PTPRQ: variants seen among roughly 807,000 people sequenced by gnomAD.
PTPRQ encodes phosphatidylinositol phosphatase PTPRQ.
Under a neutral mutation model 246.0 loss-of-function variants are expected in PTPRQ, and 199 were observed. The ratio of observed to expected loss-of-function variants is 0.81; its 90% CI spans 0.72 to 0.91. PTPRQ has a LOEUF of 0.91. Ranked by LOEUF, PTPRQ falls within the 40% of genes least tolerant of loss-of-function variation. The pLI is 0.00. For missense variants in PTPRQ, 2,624 were observed against 2,528.4 expected, an observed-to-expected ratio of 1.04 and a Z score of -0.81; for synonymous variants, 869 against 853.2, an observed-to-expected ratio of 1.02 and a Z score of -0.32.
intron 28 of PTPRQ, among the ~76,000 whole-genome samples, chr12:80,611,724 G>A (rs1392477970): frequency 6.7e-6 from 1 of 150,188 alleles, no homozygotes; most frequent in Admixed American, 6.7e-5. Flanking sequence ...AAAAATCTGG[G>A]TACTAGGAAA....
At chr12:80,484,638 C>G (rs1041881258) in intron 9 of PTPRQ, 33 bp downstream of exon 9, 2 of 1,543,598 alleles carry the variant, frequency 1.3e-6, no homozygotes, top group African/African-American at 1.4e-5. Context: ...ATTGGTGAAC[C>G]CTTTCTGCTT....
At chr12:80,655,591 G>GTC (rs374059957) in intron 38 of PTPRQ, among the ~76,000 whole-genome samples, 25 of 148,538 alleles carry the variant, frequency 1.7e-4, no homozygotes, top group Admixed American at 1.2e-3. Context: ...CTCTCTCTCT[G>GTC]TCTCTCTCTC....
rs192320550 is a variant in PTPRQ at position 80,455,654 on chromosome 12, G to A, written c.391-1921G>A. Among the ~76,000 whole-genome samples, 9 of 149,154 alleles carry A rather than the reference G, an allele frequency of 6.0e-5. No homozygotes were observed. The East Asian group carries it at 8.1e-4, about 13-fold the overall frequency. ...CGCCCAGGCTGGAGTGCAGTGGCCC[G>A]ATCTCGGCTCACTGCAAGCTCCGCC... On this transcript the variant is annotated intron_variant, in intron 3 of 44. Coordinates refer to ENST00000644991, the MANE Select transcript of PTPRQ (RefSeq NM_001145026.2).
At chr12:80,545,637 T>C (rs138004399) in intron 23 of PTPRQ, among the ~76,000 whole-genome samples, 1,887 of 151,738 alleles carry the variant, frequency 0.012, 48 homozygotes, top group African/African-American at 0.043. Flanking sequence ...GATACTCTTT[T>C]GTTCCTTTTC....
intron 26 of PTPRQ, among the ~76,000 whole-genome samples, chr12:80,602,253 A>G (rs945834940): frequency 1.3e-5 from 2 of 151,904 alleles, no homozygotes; most frequent in Middle Eastern, 3.4e-3. Flanking sequence ...AAATATGTCA[A>G]TGCTATTATT....
chr12:80,642,015 C>G (rs980018399), intron 35 of PTPRQ, among the ~76,000 whole-genome samples: 32 of 151,642 alleles, frequency 2.1e-4, no homozygotes, highest in African/African-American at 7.5e-4. Context: ...TTGCTTTCCT[C>G]TCTCTAACGC....
chr12:80,544,019 G>A (rs562038509), intron 23 of PTPRQ, among the ~76,000 whole-genome samples: 8 of 152,150 alleles, frequency 5.3e-5, no homozygotes, highest in East Asian at 1.9e-4. Context: ...AATTGTGTAC[G>A]TGTGTTAGAG....
chr12:80,580,772 T>G (rs1435452780), intron 25 of PTPRQ, among the ~76,000 whole-genome samples: 1 of 152,302 alleles, frequency 6.6e-6, no homozygotes, highest in South Asian at 2.1e-4. Context: ...GAACCATCAT[T>G]TATTTCCACA....
At chr12:80,474,735 T>C (rs1341677856) in intron 8 of PTPRQ, among the ~76,000 whole-genome samples, 3 of 152,178 alleles carry the variant, frequency 2.0e-5, no homozygotes, top group Non-Finnish European at 2.9e-5. Flanking sequence ...TTCTTCTAAA[T>C]TGTGTGAGGG....
chr12:80,445,818 A>G (rs1218053493), intron 3 of PTPRQ, 101 bp downstream of exon 3: 1 of 772,410 alleles, frequency 1.3e-6, no homozygotes, highest in East Asian at 2.7e-5. Flanking sequence ...AGCTGAATAC[A>G]GTCAGTGACT....
At chr12:80,495,413 A>G (rs1205189257) in intron 12 of PTPRQ, 42 bp downstream of exon 12, 1 of 1,465,514 alleles carries the variant, frequency 6.8e-7, no homozygotes, top group Non-Finnish European at 9.0e-7. Flanking sequence ...TGTTCATTTT[A>G]CATTTCTATT....
chr12:80,453,128 A>G (rs541601569), intron 3 of PTPRQ, among the ~76,000 whole-genome samples: 40 of 151,840 alleles, frequency 2.6e-4, no homozygotes, highest in African/African-American at 8.2e-4. Context: ...ATCTTCCATC[A>G]CTGATACCCT....
chr12:80,481,334 C>T (rs568920667), intron 8 of PTPRQ, among the ~76,000 whole-genome samples: 3 of 152,242 alleles, frequency 2.0e-5, no homozygotes, highest in South Asian at 4.1e-4. Context: ...ATCCTTCATG[C>T]TAAAAACTCT....
At chr12:80,578,726 AC>A (rs1191481623) in intron 25 of PTPRQ, among the ~76,000 whole-genome samples, 2 of 152,158 alleles carry the variant, frequency 1.3e-5, no homozygotes, top group Non-Finnish European at 2.9e-5. Context: ...CTTAGTATTT[AC>A]TGTGTATGGA....
In PTPRQ at chr12:80,673,219, A is replaced by G. The variant is rs1901029458; in HGVS notation, c.6653A>G (p.Gln2218Arg). The G allele has an allele frequency of 1.3e-6, 2 of 1,550,922 alleles. No homozygotes were observed. Among genetic ancestry groups the G allele is most frequent in the Non-Finnish European group, 1.7e-6 (2 of 1,146,518 alleles). The change falls in exon 43 of 45, where the codon CAA (glutamine) becomes CGA (arginine). Residue 2218 changes from glutamine to arginine, a missense_variant. Physicochemically the swap from Gln to Arg is conservative, Grantham distance 43. Coordinates refer to ENST00000644991, the MANE Select transcript of PTPRQ (RefSeq NM_001145026.2). ...TTTATTGCTCTGGACCATTTAACAC[A>G]ACATATAAATGACCATGATTTTGTG... is the stretch of plus-strand genomic sequence containing the variant. ...GVFIALDHLT[Q>R]HINDHDFVDI...
intron 10 of PTPRQ, 90 bp downstream of exon 10, chr12:80,493,545 A>G (rs1894517979): frequency 1.4e-6 from 2 of 1,412,576 alleles, no homozygotes; most frequent in Admixed American, 2.9e-5. Flanking sequence ...GTTCAGCCAT[A>G]TTATTAATGG....
At chr12:80,532,040 C>CA (rs200117570) in intron 17 of PTPRQ, among the ~76,000 whole-genome samples, 1 of 150,224 alleles carries the variant, frequency 6.7e-6, no homozygotes, top group African/African-American at 2.4e-5. Context: ...TAATCTGAGG[C>CA]TTTTTTTTTA....
At chr12:80,480,403 T>G (rs1893996559) in intron 8 of PTPRQ, among the ~76,000 whole-genome samples, 1 of 152,056 alleles carries the variant, frequency 6.6e-6, no homozygotes, top group South Asian at 2.1e-4. Context: ...TAGCACTAAA[T>G]GCCCACAAGA....
At chr12:80,548,304 A>G (rs371248685) in intron 24 of PTPRQ, among the ~76,000 whole-genome samples, 60 of 152,256 alleles carry the variant, frequency 3.9e-4, no homozygotes, top group African/African-American at 1.3e-3. Context: ...GGATTTAGAA[A>G]CTAAAGTTCA....
Sources: allele counts gnomAD v4.1 joint callset (sites outside exome capture counted in the v4.1 genomes callset), GRCh38; gene constraint gnomAD v4.1.1; transcripts MANE v1.5; gene names NCBI Gene and HGNC (gene_info 2026-07-23, HGNC 2026-07-21).